Variants in GRAMD4 observed in about 807,000 individuals in gnomAD.
The protein encoded by GRAMD4 is GRAM domain containing 4.
GRAMD4 carries 25 observed loss-of-function variants against 83.9 expected under a neutral mutation model. That is an observed-to-expected ratio of 0.30 (90% CI 0.22 to 0.42). The LOEUF (loss-of-function observed/expected upper bound fraction) is 0.42, where lower values mean the gene tolerates loss of function less well. Ranked by LOEUF, GRAMD4 falls within the 10% of genes least tolerant of loss-of-function variation. The pLI is 1.00. For missense variants in GRAMD4, 593 were observed against 788.7 expected (o/e 0.75, Z 2.97); for synonymous variants, 336 against 320.9 (o/e 1.05, Z -0.50).
chr22:46,603,357 G>C (rs1399596361), intron 1 of GRAMD4, among the ~76,000 whole-genome samples: 3 of 136,676 alleles, frequency 2.2e-5, no homozygotes, highest in African/African-American at 8.2e-5. Flanking sequence ...ACAGGCGCCC[G>C]CCACCACACC....
At chr22:46,630,127 C>A (rs533307489) in intron 2 of GRAMD4, among the ~76,000 whole-genome samples, 1 of 151,814 alleles carries the variant, frequency 6.6e-6, no homozygotes, top group Non-Finnish European at 1.5e-5. Flanking sequence ...CAGGTTCAAG[C>A]GATTCTCGTG....
At chr22:46,577,192 C>T in exon 1 of GRAMD4, 1 of 759,472 alleles carries the variant, frequency 1.3e-6, no homozygotes, top group African/African-American at 1.9e-5. Flanking sequence ...CCCGGCGCCG[C>T]TGGGCTCCCG....
downstream of GRAMD4, chr22:46,682,543 C>T: frequency 1.8e-6 from 1 of 542,782 alleles, no homozygotes; most frequent in African/African-American, 2.0e-5. Context: ...AGGGCGCCCG[C>T]CCAGTGACGG....
chr22:46,677,628 T>A lies in GRAMD4; in HGVS notation c.*377T>A. On this transcript the variant is annotated 3_prime_UTR_variant, in exon 19 of 19. Coordinates refer to ENST00000406902, the MANE Select transcript of GRAMD4 (RefSeq NM_015124.5). Reference sequence around the variant, plus strand: ...CCCAAGAGGTTCTCGCAACCTTGTGTCCCGCTCTCCAGAGGCCAGAAGCTC... The same window carrying A: ...CCCAAGAGGTTCTCGCAACCTTGTGACCCGCTCTCCAGAGGCCAGAAGCTC... The A allele has an allele frequency of 9.9e-7, 1 of 1,009,104 alleles. No individual in the cohort carries two copies. Among genetic ancestry groups the A allele is most frequent in the South Asian group, 4.4e-5 (1 of 22,716 alleles). 62.5% of individuals were successfully genotyped at this position (1,009,104 alleles called of 1,614,324 possible). A position where few individuals can be genotyped will look rare whatever the true frequency, so the allele number is the denominator to read the frequency against.
chr22:46,629,971 G>T (rs1569272814), intron 2 of GRAMD4, among the ~76,000 whole-genome samples: 1 of 152,078 alleles, frequency 6.6e-6, no homozygotes, highest in East Asian at 1.9e-4. Flanking sequence ...GGTGCCGCCT[G>T]CCTTTTTATG....
chr22:46,587,903 C>T, intron 1 of GRAMD4: 2 of 985,300 alleles, frequency 2.0e-6, no homozygotes, highest in South Asian at 4.7e-5. Context: ...TGGTACAGGG[C>T]TCCTGATCCT....
At chr22:46,581,216 A>G (rs897370451) in intron 1 of GRAMD4, among the ~76,000 whole-genome samples, 1 of 152,262 alleles carries the variant, frequency 6.6e-6, no homozygotes, top group African/African-American at 2.4e-5. Context: ...GTGGTTACAC[A>G]GGAAAGGCAG....
At chr22:46,665,584 G>A (rs753918908) in intron 8 of GRAMD4, 31 bp from the exon 9 acceptor site, 5 of 1,232,802 alleles carry the variant, frequency 4.1e-6, no homozygotes, top group Non-Finnish European at 6.0e-6. Context: ...CAAGCTGTCA[G>A]GAGGTCTGAC....
intron 2 of GRAMD4, among the ~76,000 whole-genome samples, chr22:46,637,329 T>C (rs2081905792): frequency 6.6e-6 from 1 of 151,390 alleles, no homozygotes; most frequent in Admixed American, 6.6e-5. Context: ...CTTGGCTCAC[T>C]GCAAGCTCCG....
In GRAMD4 at chr22:46,677,676, G is replaced by GA; in HGVS notation, c.*427dup. ...CTCGTCCACCACCAAAGCCATAGCT[G>GA]AAGAGTGCGGGGCCCTTCCTCCTGG... is the stretch of plus-strand genomic sequence containing the variant. On this transcript the variant is annotated 3_prime_UTR_variant, in exon 19 of 19. Transcript: ENST00000406902. The GA allele has an allele frequency of 1.0e-6, 1 of 992,662 alleles. No homozygotes were observed. The highest frequency in any genetic ancestry group is 1.2e-6 in the Non-Finnish European group (1 of 834,142). The allele number at this position is 992,662 out of a possible 1,614,324, so 61.5% of individuals were successfully genotyped here.
chr22:46,587,766 T>C (rs1357725703), intron 1 of GRAMD4, among the ~76,000 whole-genome samples: 1 of 151,954 alleles, frequency 6.6e-6, no homozygotes, highest in Non-Finnish European at 1.5e-5. Flanking sequence ...TGGAACTGAC[T>C]GGTGGTCGTT....
At position 46,658,289 on chromosome 22, in the gene GRAMD4, A is replaced by G. The variant is rs556143177; in HGVS notation, c.386A>G (p.Gln129Arg). The G allele has an allele frequency of 8.2e-5, 132 of 1,612,166 alleles. 3 individuals carry two copies. The highest frequency in any genetic ancestry group is 5.8e-4 in the South Asian group (53 of 91,004). The change falls in exon 4 of 19, where the codon CAG becomes CGG. Residue 129 changes from glutamine (Q) to arginine (R), a missense_variant. This residue lies in a region of GRAMD4 where 312 missense variants were observed against 350.7 expected (regional missense o/e 0.89). Transcript: ENST00000406902. ...CGGATGGAGCTGGAGCAGAAGGTGC[A>G]GGAGGTGCTGAAGGCCAGGTACCGC... ...QRRMELEQKV[Q>R]EVLKARTEEQ... is the part of the protein sequence containing the mutation.
chr22:46,597,750 A>G (rs1412391058), intron 1 of GRAMD4, among the ~76,000 whole-genome samples: 1 of 152,078 alleles, frequency 6.6e-6, no homozygotes, highest in African/African-American at 2.4e-5. Context: ...CGGCCTCCCA[A>G]AGTGCTGGGA....
chr22:46,647,509 G>T (rs920310774), intron 3 of GRAMD4, among the ~76,000 whole-genome samples: 1 of 152,178 alleles, frequency 6.6e-6, no homozygotes, highest in Non-Finnish European at 1.5e-5. Flanking sequence ...CCAGTGGGGG[G>T]CCTCCTCCCT....
intron 1 of GRAMD4, among the ~76,000 whole-genome samples, chr22:46,623,658 A>G (rs1304724771): frequency 1.3e-5 from 2 of 151,984 alleles, no homozygotes; most frequent in African/African-American, 4.8e-5. Context: ...GGCCTCCCAA[A>G]GTGCTGAGAT....
At position 46,621,514 on chromosome 22, in the gene GRAMD4, G is replaced by A. The variant is rs1164644948; in HGVS notation, c.-50+949G>A. Among the ~76,000 whole-genome samples the A allele has an allele frequency of 7.4e-5, 11 of 148,140 alleles. No homozygotes were observed. In the East Asian group the frequency reaches 1.5e-3, roughly 21 times the overall value. On this transcript the variant is annotated intron_variant, in intron 1 of 18. Coordinates refer to ENST00000406902, the MANE Select transcript of GRAMD4 (RefSeq NM_015124.5). The surrounding 1 kb of genome is among the most constrained non-coding windows in gnomAD (Gnocchi z 5.8). ...GGGCCCATCCCTGGCGGTGTGTCGC[G>A]GAGGGCACCCCTACCCCGGTGCAGG...
rs149703047 is a variant in GRAMD4, at chr22:46,675,173, G to A, written c.1479-295G>A. ...CTTATGCAGAGCAGTGGCCGTGAGT[G>A]TCTCACTCAGAGCAGTGGCCGTGAG... On this transcript the variant is annotated intron_variant, in intron 16 of 18. Coordinates refer to ENST00000406902, the MANE Select transcript of GRAMD4 (RefSeq NM_015124.5). 5.4e-4 allele frequency among the ~76,000 whole-genome samples: 82 copies of A among 151,198 alleles called. 1 individual carries two copies. Among genetic ancestry groups the A allele is most frequent in the African/African-American group, 1.9e-3 (78 of 41,236 alleles).
downstream of GRAMD4, among the ~76,000 whole-genome samples, chr22:46,680,680 ACCCACCTATTC>A (rs2082661650): frequency 5.4e-5 from 3 of 56,068 alleles, no homozygotes; most frequent in African/African-American, 1.1e-4. Flanking sequence ...CAATCCATCC[ACCCACCTATTC>A]ATCCACCCAT....
At chr22:46,591,878 C>T (rs988380303) in intron 1 of GRAMD4, among the ~76,000 whole-genome samples, 5 of 143,924 alleles carry the variant, frequency 3.5e-5, no homozygotes, top group African/African-American at 5.2e-5. Flanking sequence ...CCCCGCACCC[C>T]TCAGCCCCCG....
Sources: gnomAD v4.1 joint callset for allele counts (sites outside exome capture counted in the v4.1 genomes callset) on GRCh38, gnomAD v4.1.1 for gene constraint, gnomAD v4.1.1 regional missense constraint, Gnocchi (gnomAD v3.1) non-coding constraint, MANE v1.5 for transcripts, NCBI Gene and HGNC (gene_info 2026-07-23, HGNC 2026-07-21) for gene names.